Variants in CD47 observed in about 807,000 individuals in gnomAD.
The protein encoded by CD47 is leukocyte surface antigen CD47.
Under a neutral mutation model 44.6 loss-of-function variants are expected in CD47, and 11 were observed. That is an observed-to-expected ratio of 0.25 (90% confidence interval 0.16 to 0.41). The LOEUF (loss-of-function observed/expected upper bound fraction) is 0.41, where lower values mean the gene tolerates loss of function less well. CD47 is among the 10% of genes least tolerant of loss of function. The pLI is 1.00. For synonymous variants in CD47, 140 were observed against 136.3 expected (o/e 1.03, Z -0.19); for missense variants, 306 against 386.7 (o/e 0.79, Z 1.75).
chr3:108,079,894 G>T (rs2079383673), intron 2 of CD47, 97 bp downstream of exon 2: 6 of 697,830 alleles, frequency 8.6e-6, no homozygotes, highest in Non-Finnish European at 1.5e-5. Flanking sequence ...CCTGCTTTTT[G>T]ATTCAAAGGA....
chr3:108,087,038 T>A (rs1350432562), intron 1 of CD47, among the ~76,000 whole-genome samples: 1 of 152,164 alleles, frequency 6.6e-6, no homozygotes, highest in African/African-American at 2.4e-5. Context: ...ACACCACTAT[T>A]TTTTGCAGTA....
intron 1 of CD47, among the ~76,000 whole-genome samples, chr3:108,083,025 C>T (rs1045381842): frequency 3.2e-4 from 49 of 151,944 alleles, no homozygotes; most frequent in African/African-American, 1.1e-3. Flanking sequence ...CTTTTGCCTA[C>T]TCCCTTCTCA....
chr3:108,065,976 CTA>C (rs2079100470), intron 3 of CD47, among the ~76,000 whole-genome samples: 1 of 151,986 alleles, frequency 6.6e-6, no homozygotes, highest in South Asian at 2.1e-4. Context: ...CCAAGATAGG[CTA>C]TGTCTTCACT....
At position 108,045,949 on chromosome 3, in the gene CD47, C is replaced by G. The variant is rs1430284217; in HGVS notation, c.*1339G>C. 1 of 152,222 alleles carries G rather than the reference C, an allele frequency of 6.6e-6. No individual in the cohort carries two copies. Among genetic ancestry groups the G allele is most frequent in the Non-Finnish European group, 1.5e-5 (1 of 68,048 alleles). 9.4% of individuals were successfully genotyped at this position (152,222 alleles called of 1,614,324 possible). A position where few individuals can be genotyped will look rare whatever the true frequency, so the allele number is the denominator to read the frequency against. On this transcript the variant is annotated 3_prime_UTR_variant, in exon 11 of 11. Transcript: ENST00000361309. ...TAAAAGCACAAAATTAACCTTTGCT[C>G]TCCTGTAGGTACCCCACCTTTGTCC... is the stretch of plus-strand genomic sequence containing the variant.
chr3:108,089,612 G>A (rs2079588821), intron 1 of CD47, among the ~76,000 whole-genome samples: 1 of 152,130 alleles, frequency 6.6e-6, no homozygotes, highest in Non-Finnish European at 1.5e-5. Context: ...TAAACGTGAT[G>A]ACAGGAAACA....
rs1002540023 is a variant in CD47 at position 108,090,818 on chromosome 3, G to T, written c.46+45C>A. 5 of 1,456,246 alleles carry T rather than the reference G, an allele frequency of 3.4e-6. No homozygotes were observed. In the Admixed American group the frequency reaches 9.4e-5, roughly 27 times the overall value. The allele number at this position is 1,456,246 out of a possible 1,614,324, so 90.2% of individuals were successfully genotyped here. ...GGGCGCAGCCCACACGCCCGCGGGG[G>T]CGAAGCGACAGCAGCCGCAGGGCTG... is the stretch of plus-strand genomic sequence containing the variant. On this transcript the variant is annotated intron_variant, in intron 1 of 10. Transcript: ENST00000361309.
chr3:108,080,254 A>G lies in CD47; in HGVS notation c.137T>C (p.Met46Thr), dbSNP rs1359296978. 1 of 1,611,898 alleles carries G rather than the reference A, an allele frequency of 6.2e-7. No individual in the cohort carries two copies. Among genetic ancestry groups the G allele is most frequent in the South Asian group, 1.1e-5 (1 of 91,016 alleles). ...TACTTCAGTAGTGTTTTGTGCCTCC[A>G]TATTAGTAACAAAGCATGGAATGAC... ...TVVIPCFVTN[M>T]EAQNTTEVYV... is the part of the protein sequence containing the mutation. The change falls in exon 2 of 11, where the codon ATG becomes ACG. Residue 46 changes from methionine (M) to threonine (T), a missense_variant. By Grantham distance (81) the Met-to-Thr change is moderately conservative (BLOSUM62 -1). Transcript: ENST00000361309.
intron 2 of CD47, among the ~76,000 whole-genome samples, chr3:108,072,809 T>G (rs763341792): frequency 6.6e-6 from 1 of 152,142 alleles, no homozygotes; most frequent in Non-Finnish European, 1.5e-5. Flanking sequence ...ATTGATGTAT[T>G]TTTCCTTACT....
chr3:108,084,981 T>C (rs1051553428), intron 1 of CD47, among the ~76,000 whole-genome samples: 1 of 152,128 alleles, frequency 6.6e-6, no homozygotes, highest in Non-Finnish European at 1.5e-5. Flanking sequence ...TAAATGCAAA[T>C]GTGCACTCCT....
At chr3:108,073,936 G>C (rs1186573754) in intron 2 of CD47, among the ~76,000 whole-genome samples, 4 of 152,140 alleles carry the variant, frequency 2.6e-5, no homozygotes, top group Non-Finnish European at 5.9e-5. Context: ...GACTAGAATG[G>C]GGATCCCGAA....
Position 108,059,432 on chromosome 3 carries a change from C to T in CD47, c.691+20G>A. The T allele has an allele frequency of 8.4e-7, 1 of 1,186,164 alleles. No individual in the cohort carries two copies. The highest frequency in any genetic ancestry group is 1.6e-5 in the African/African-American group (1 of 61,984). 73.5% of individuals were successfully genotyped at this position (1,186,164 alleles called of 1,614,324 possible). On this transcript the variant is annotated intron_variant, in intron 5 of 10. Coordinates refer to ENST00000361309, the MANE Select transcript of CD47 (RefSeq NM_001777.4). ...AATGAAAAAGGTAGACAAAATCATA[C>T]TGTAACAATGAAAACTCACCTGTAC...
At chr3:108,076,219 C>A (rs1560022352) in intron 2 of CD47, among the ~76,000 whole-genome samples, 2 of 152,278 alleles carry the variant, frequency 1.3e-5, no homozygotes, top group East Asian at 1.9e-4. Context: ...AGTTGTTATG[C>A]AGCACTAGAA....
intron 3 of CD47, among the ~76,000 whole-genome samples, chr3:108,062,118 A>T (rs917760165): frequency 3.9e-5 from 6 of 152,118 alleles, no homozygotes; most frequent in Non-Finnish European, 5.9e-5. Context: ...ACAGTTGAGT[A>T]ACTGAAATCC....
In CD47 at chr3:108,060,831, C is replaced by T. The variant is rs2078998535; in HGVS notation, c.512G>A (p.Gly171Asp). The T allele has an allele frequency of 6.2e-7, 1 of 1,610,392 alleles. No individual in the cohort carries two copies. Among genetic ancestry groups the T allele is most frequent in the East Asian group, 2.2e-5 (1 of 44,860 alleles). Residue 171 changes from glycine to aspartate, a missense_variant, in exon 4 of 11, where the codon GGT (glycine) becomes GAT (aspartate). Gly to Asp is a moderately conservative substitution (Grantham distance 94, BLOSUM62 -1). Coordinates refer to ENST00000361309, the MANE Select transcript of CD47 (RefSeq NM_001777.4). ...TAAAGCAATTGTTTTCTCATCCATA[C>T]CACCGGATCTATATTTAAGTGCTTA... ...GIKTLKYRSGGMDEKTIALLV... is the reference protein window; with the variant it reads ...GIKTLKYRSGDMDEKTIALLV...
intron 4 of CD47, among the ~76,000 whole-genome samples, chr3:108,060,153 A>G (rs2078985250): frequency 6.6e-6 from 1 of 152,338 alleles, no homozygotes; most frequent in Admixed American, 6.5e-5. Context: ...GTCTTGGCCA[A>G]TGAAGTTTGC....
Position 108,044,136 on chromosome 3 carries a change from T to C in CD47, c.*3152A>G, listed in dbSNP as rs889700671. The C allele has an allele frequency of 6.6e-6, 1 of 152,626 alleles. No individual in the cohort carries two copies. Among genetic ancestry groups the C allele is most frequent in the Non-Finnish European group, 1.5e-5 (1 of 68,024 alleles). 9.5% of individuals were successfully genotyped at this position (152,626 alleles called of 1,614,324 possible). On this transcript the variant is annotated 3_prime_UTR_variant, in exon 11 of 11. Transcript: ENST00000361309. ...CAGATCCCCATTTTTGAATACCCATTTTAAGACAAGAGAAACCTAGAAGGT... is the reference window on the plus strand; with the variant it reads ...CAGATCCCCATTTTTGAATACCCATCTTAAGACAAGAGAAACCTAGAAGGT...
At chr3:108,061,889 T>C (rs567964850) in intron 3 of CD47, among the ~76,000 whole-genome samples, 233 of 152,278 alleles carry the variant, frequency 1.5e-3, no homozygotes, top group Admixed American at 3.9e-3. Flanking sequence ...AGCATTTAGT[T>C]TTTTTTCTTC....
chr3:108,067,212 T>G (rs1398113646), intron 3 of CD47, among the ~76,000 whole-genome samples: 1 of 152,116 alleles, frequency 6.6e-6, no homozygotes, highest in African/African-American at 2.4e-5. Flanking sequence ...AATAACAGAG[T>G]TTTTAAGGTT....
At chr3:108,076,306 T>C (rs1384039555) in intron 2 of CD47, among the ~76,000 whole-genome samples, 3 of 152,200 alleles carry the variant, frequency 2.0e-5, no homozygotes, top group Admixed American at 6.5e-5. Flanking sequence ...AATAATGGAA[T>C]TGGCAACACT....
Sources: allele counts gnomAD v4.1 joint callset (sites outside exome capture counted in the v4.1 genomes callset), GRCh38; gene constraint gnomAD v4.1.1; transcripts MANE v1.5; gene names NCBI Gene and HGNC (gene_info 2026-07-23, HGNC 2026-07-21).